SCGB2B2: variants seen among roughly 807,000 people sequenced by gnomAD.
SCGB2B2 encodes the protein secretoglobin-like protein.
In SCGB2B2, 11 loss-of-function variants were observed where a neutral mutation model predicts 7.6. That is an observed-to-expected ratio of 1.45 (90% CI 0.91 to 2.40). SCGB2B2 has a LOEUF of 2.40. Among genes scored for constraint, SCGB2B2 ranks in the 30% most tolerant of loss-of-function variants. The probability of loss-of-function intolerance (pLI) is 0.00; values close to 1 mark genes in which losing one functional copy is unlikely to be tolerated. For missense variants in SCGB2B2, 104 were observed against 115.4 expected (o/e 0.90, Z 0.45); for synonymous variants, 50 against 48.6 (o/e 1.03, Z -0.12).
downstream of SCGB2B2, among the ~76,000 whole-genome samples, chr19:34,586,845 A>T (rs1302457222): frequency 1.3e-5 from 2 of 152,132 alleles, no homozygotes; most frequent in Non-Finnish European, 2.9e-5. Flanking sequence ...CTTTATTCTG[A>T]TACCATTGCG....
At chr19:34,643,649 C>T (rs980807036) in intron 1 of SCGB2B2, among the ~76,000 whole-genome samples, 4 of 152,140 alleles carry the variant, frequency 2.6e-5, no homozygotes, top group Non-Finnish European at 4.4e-5. Flanking sequence ...TATCATTACA[C>T]ATTCTATGCC....
intron 1 of SCGB2B2, chr19:34,640,297 G>GA (rs1429513626): frequency 6.6e-6 from 1 of 151,738 alleles, no homozygotes; most frequent in Non-Finnish European, 1.5e-5. Flanking sequence ...TTTAAATAGA[G>GA]ACAGGGTCTC....
chr19:34,594,652 CGTGTGTGTGTGTGTGTGTGTGT>C lies in SCGB2B2; in HGVS notation c.-111_-90del, dbSNP rs3055684. 72 of 659,392 alleles carry C rather than the reference CGTGTGTGTGTGTGTGTGTGTGT, an allele frequency of 1.1e-4. No homozygotes were observed. The highest frequency in any genetic ancestry group is 4.2e-4 in the Middle Eastern group (1 of 2,406). 40.8% of individuals were successfully genotyped at this position (659,392 alleles called of 1,614,324 possible). ...TATCTGAACAAGGCACATGCCTCTT[CGTGTGTGTGTGTGTGTGTGTGT>C]GTGTGTGTGTGTGTGTGTGTGTGTG... On this transcript the variant is annotated 5_prime_UTR_variant, in exon 2 of 4. It removes the in-frame stop codon of an upstream open reading frame in the 5' UTR. Coordinates refer to ENST00000601241, the MANE Select transcript of SCGB2B2 (RefSeq NM_001025591.4).
chr19:34,614,771 T>G (rs929573769), intron 1 of SCGB2B2, among the ~76,000 whole-genome samples: 6 of 152,262 alleles, frequency 3.9e-5, no homozygotes, highest in Non-Finnish European at 7.3e-5. Context: ...AAAGTAAGAC[T>G]TTCCCCTCCA....
At chr19:34,603,913 T>C (rs1006114847) in intron 1 of SCGB2B2, among the ~76,000 whole-genome samples, 5 of 150,700 alleles carry the variant, frequency 3.3e-5, no homozygotes, top group Admixed American at 2.7e-4. Flanking sequence ...GCTCAAGCAA[T>C]GCTCCCACCT....
At chr19:34,643,310 C>T (rs543904530) in intron 1 of SCGB2B2, among the ~76,000 whole-genome samples, 31 of 152,194 alleles carry the variant, frequency 2.0e-4, no homozygotes, top group African/African-American at 7.5e-4. Context: ...TTTGAAATAA[C>T]CCAGGCATAG....
chr19:34,648,946 A>G (rs755715274), intron 1 of SCGB2B2, among the ~76,000 whole-genome samples: 1 of 152,092 alleles, frequency 6.6e-6, no homozygotes, highest in African/African-American at 2.4e-5. Flanking sequence ...TTTGTCGCCC[A>G]GGCTGGAGTG....
intron 1 of SCGB2B2, among the ~76,000 whole-genome samples, chr19:34,621,955 T>C (rs985556755): frequency 1.3e-5 from 2 of 152,318 alleles, no homozygotes; most frequent in Non-Finnish European, 1.5e-5. Flanking sequence ...TTAACTGGAC[T>C]GTAGATTCCT....
chr19:34,640,673 A>T (rs910189923), intron 1 of SCGB2B2: 2 of 152,344 alleles, frequency 1.3e-5, no homozygotes, highest in Non-Finnish European at 2.9e-5. Context: ...CATTAAGTAC[A>T]TTCACGATGT....
At chr19:34,589,072 T>C (rs1160556773), downstream of SCGB2B2, among the ~76,000 whole-genome samples, 1 of 151,714 alleles carries the variant, frequency 6.6e-6, no homozygotes, top group Admixed American at 6.6e-5. Flanking sequence ...GTGTCTGGGG[T>C]GTGTGGTGAC....
At chr19:34,624,304 G>A (rs2066312020) in intron 1 of SCGB2B2, among the ~76,000 whole-genome samples, 1 of 152,202 alleles carries the variant, frequency 6.6e-6, no homozygotes. Context: ...CACTCAGGTT[G>A]AAATATCCTC....
At chr19:34,673,321 C>T (rs896979525) in intron 1 of SCGB2B2, among the ~76,000 whole-genome samples, 1 of 152,128 alleles carries the variant, frequency 6.6e-6, no homozygotes, top group African/African-American at 2.4e-5. Context: ...TACCTCACAC[C>T]CCTGATTTCT....
At chr19:34,634,744 TA>T (rs1165811134) in intron 1 of SCGB2B2, 1 of 160,936 alleles carries the variant, frequency 6.2e-6, no homozygotes, top group Non-Finnish European at 1.4e-5. Context: ...AATAATTTCC[TA>T]CATTCACTAC....
At chr19:34,625,313 G>A (rs1247080759) in intron 1 of SCGB2B2, among the ~76,000 whole-genome samples, 1 of 152,208 alleles carries the variant, frequency 6.6e-6, no homozygotes, top group African/African-American at 2.4e-5. Context: ...AGACGAAGCA[G>A]GGCGAGGCAT....
In SCGB2B2 at chr19:34,593,421, C is replaced by G; in HGVS notation, c.*134G>C. The G allele has an allele frequency of 3.0e-6, 2 of 667,250 alleles. No homozygotes were observed. The highest frequency in any genetic ancestry group is 5.2e-6 in the Non-Finnish European group (2 of 382,380). The allele number at this position is 667,250 out of a possible 1,614,324, so 41.3% of individuals were successfully genotyped here. A position where few individuals can be genotyped will look rare whatever the true frequency, so the allele number is the denominator to read the frequency against. On this transcript the variant is annotated 3_prime_UTR_variant, in exon 4 of 4. Coordinates refer to ENST00000601241, the MANE Select transcript of SCGB2B2 (RefSeq NM_001025591.4). ...ATATGCGGTCACAGCCAACCCCACACAGATGCCAGAACACAGAACTGAGCT... is the reference window on the plus strand; with the variant it reads ...ATATGCGGTCACAGCCAACCCCACAGAGATGCCAGAACACAGAACTGAGCT...
chr19:34,594,896 C>T lies in SCGB2B2; in HGVS notation c.-333G>A. ...GTGTAAGCCTGCAAGTCTGAGTGTG[C>T]ATGCACATGTGACCCTGTGTCTTGG... On this transcript the variant is annotated 5_prime_UTR_variant, in exon 2 of 4. It removes an upstream start codon present in the reference 5' UTR. Transcript: ENST00000601241. 2.7e-6 allele frequency: 1 copy of T among 374,706 alleles called. No homozygotes were observed. The highest frequency in any genetic ancestry group is 5.2e-5 in the East Asian group (1 of 19,074). 23.2% of individuals were successfully genotyped at this position (374,706 alleles called of 1,614,324 possible).
Position 34,593,616 on chromosome 19 carries a change from A to G in SCGB2B2, c.247-17T>C, listed in dbSNP as rs764463854. 3 of 1,550,842 alleles carry G rather than the reference A, an allele frequency of 1.9e-6. No homozygotes were observed. The highest frequency in any genetic ancestry group is 2.4e-5 in the South Asian group (2 of 84,012). Reference sequence around the variant, plus strand: ...GATCTTCTTCTGTTGGAAAAAGAAGAAAGAGAGGAGCCGGTGGCCTCTGTG... The same window carrying G: ...GATCTTCTTCTGTTGGAAAAAGAAGGAAGAGAGGAGCCGGTGGCCTCTGTG... On this transcript the variant is annotated splice_polypyrimidine_tract_variant and intron_variant, in intron 3 of 3. Coordinates refer to ENST00000601241, the MANE Select transcript of SCGB2B2 (RefSeq NM_001025591.4).
chr19:34,620,304 T>G (rs1395186003), intron 1 of SCGB2B2, among the ~76,000 whole-genome samples: 1 of 151,802 alleles, frequency 6.6e-6, no homozygotes, highest in Non-Finnish European at 1.5e-5. Context: ...ATAGACTAGA[T>G]TAAGAAAATG....
chr19:34,623,462 C>G lies in SCGB2B2; in HGVS notation c.-2031-26868G>C, dbSNP rs1222205000. Among the ~76,000 whole-genome samples, 9 of 152,272 alleles carry G rather than the reference C, an allele frequency of 5.9e-5. No homozygotes were observed. In the East Asian group the frequency reaches 1.5e-3, roughly 26 times the overall value. ...AAGGGCGTCCTCCTTCTCCTCTTTC[C>G]TCCCATCTCCTCTGGGTCCTGGTGG... On this transcript the variant is annotated intron_variant, in intron 1 of 3. Coordinates refer to ENST00000601241, the MANE Select transcript of SCGB2B2 (RefSeq NM_001025591.4).
Sources: allele counts gnomAD v4.1 joint callset (sites outside exome capture counted in the v4.1 genomes callset), GRCh38; gene constraint gnomAD v4.1.1; transcripts MANE v1.5; gene names NCBI Gene and HGNC (gene_info 2026-07-23, HGNC 2026-07-21).